LRBA: variants seen among roughly 807,000 people sequenced by gnomAD.
LRBA encodes lipopolysaccharide-responsive and beige-like anchor protein.
Under a neutral mutation model 330.0 loss-of-function variants are expected in LRBA, and 176 were observed. The ratio of observed to expected loss-of-function variants is 0.53; its 90% CI spans 0.47 to 0.60. LRBA has a LOEUF of 0.60. Ranked by LOEUF, LRBA falls within the 20% of genes least tolerant of loss-of-function variation. The pLI is 0.00. For synonymous variants in LRBA, 1,230 were observed against 1,193.0 expected, an observed-to-expected ratio of 1.03 and a Z score of -0.64; for missense variants, 3,259 against 3,444.8, an observed-to-expected ratio of 0.95 and a Z score of 1.35.
intron 47 of LRBA, among the ~76,000 whole-genome samples, chr4:150,379,692 A>G (rs1462876084): frequency 6.6e-6 from 1 of 152,170 alleles, no homozygotes; most frequent in Non-Finnish European, 1.5e-5. Context: ...GAATAGTGCT[A>G]TTTTCTTTGT....
At chr4:150,758,826 C>T (rs879062891) in intron 35 of LRBA, among the ~76,000 whole-genome samples, 1 of 151,926 alleles carries the variant, frequency 6.6e-6, no homozygotes, top group Admixed American at 6.6e-5. Flanking sequence ...CCTCCCACCT[C>T]GGCCTCTCAA....
intron 47 of LRBA, among the ~76,000 whole-genome samples, chr4:150,404,594 G>C (rs564771508): frequency 2.6e-5 from 4 of 152,132 alleles, no homozygotes; most frequent in Non-Finnish European, 5.9e-5. Flanking sequence ...GGAAGAGGGA[G>C]AAATCTGGCA....
intron 37 of LRBA, among the ~76,000 whole-genome samples, chr4:150,682,010 A>C (rs1421515441): frequency 6.6e-6 from 1 of 152,210 alleles, no homozygotes; most frequent in Admixed American, 6.5e-5. Flanking sequence ...CTATCAACAG[A>C]AAGAATTTTG....
intron 36 of LRBA, among the ~76,000 whole-genome samples, chr4:150,688,703 C>G (rs982702029): frequency 1.3e-5 from 2 of 152,132 alleles, no homozygotes; most frequent in Admixed American, 1.3e-4. Context: ...TGAAAAAAAG[C>G]TCATCATCAC....
At chr4:150,874,001 G>A (rs1174322707) in intron 17 of LRBA, among the ~76,000 whole-genome samples, 1 of 152,112 alleles carries the variant, frequency 6.6e-6, no homozygotes, top group Admixed American at 6.5e-5. Context: ...ATACTAATAT[G>A]TTGTATGTTT....
At chr4:150,278,514 TACA>T (rs1747102587) in intron 55 of LRBA, among the ~76,000 whole-genome samples, 2 of 152,190 alleles carry the variant, frequency 1.3e-5, no homozygotes, top group African/African-American at 2.4e-5. Flanking sequence ...TGTAGAGAGC[TACA>T]ACAACTTCCA....
chr4:151,009,920 C>T (rs977420850), intron 2 of LRBA, among the ~76,000 whole-genome samples: 26 of 151,952 alleles, frequency 1.7e-4, no homozygotes, highest in Non-Finnish European at 2.5e-4. Flanking sequence ...GCGGACCTTG[C>T]AGTGAGCCGA....
At chr4:150,590,106 G>A (rs551170550) in intron 39 of LRBA, among the ~76,000 whole-genome samples, 1 of 152,190 alleles carries the variant, frequency 6.6e-6, no homozygotes, top group African/African-American at 2.4e-5. Context: ...CAGAGCCACA[G>A]GTATTAAAGT....
intron 49 of LRBA, among the ~76,000 whole-genome samples, chr4:150,325,079 A>G (rs1733061171): frequency 2.0e-5 from 3 of 152,128 alleles, no homozygotes; most frequent in Non-Finnish European, 2.9e-5. Context: ...GTTCAAAAGC[A>G]AGCCTCAAGA....
rs1432220386 is a variant in LRBA at position 150,808,417 on chromosome 4, C to T, written c.5306-19G>A. The T allele has an allele frequency of 6.9e-7, 1 of 1,439,206 alleles. No homozygotes were observed. The highest frequency in any genetic ancestry group is 1.7e-5 in the Admixed American group (1 of 58,776). The allele number at this position is 1,439,206 out of a possible 1,614,324, so 89.2% of individuals were successfully genotyped here. A position where few individuals can be genotyped will look rare whatever the true frequency, so the allele number is the denominator to read the frequency against. ...CTACTGCCTATAAAAGAAAAATAAC[C>T]ATCTATAGGAATTTTCTGCTTTTAG... On this transcript the variant is annotated intron_variant, in intron 31 of 56. Transcript: ENST00000651943.
At position 150,992,315 on chromosome 4, in the gene LRBA, C is replaced by CAA. The variant is rs11444108; in HGVS notation, c.216+22110_216+22111dup. ...TGGGCAACAGAGCGAGACTCCGTCT[C>CAA]AAAAAAAAAAAAAAGGTAACGAGCA... On this transcript the variant is annotated intron_variant, in intron 2 of 56. Transcript: ENST00000651943. Among the ~76,000 whole-genome samples the CAA allele has an allele frequency of 1.4e-3, 185 of 133,138 alleles. 2 individuals are homozygous for CAA. The highest frequency in any genetic ancestry group is 2.3e-3 in the Non-Finnish European group (145 of 64,408). 87.3% of individuals were successfully genotyped at this position (133,138 alleles called of 152,430 possible).
At chr4:150,901,424 C>T (rs1038240918) in intron 13 of LRBA, among the ~76,000 whole-genome samples, 1 of 152,078 alleles carries the variant, frequency 6.6e-6, no homozygotes, top group Non-Finnish European at 1.5e-5. Context: ...CATTTTATTG[C>T]TAGAGGGTAT....
chr4:150,569,689 C>T (rs1169760503), intron 40 of LRBA, among the ~76,000 whole-genome samples: 6 of 152,088 alleles, frequency 3.9e-5, no homozygotes, highest in Admixed American at 1.3e-4. Flanking sequence ...CGGTAATTAA[C>T]AGAGATTATG....
chr4:150,468,149 T>A (rs1402515371), intron 43 of LRBA, among the ~76,000 whole-genome samples: 1 of 152,072 alleles, frequency 6.6e-6, no homozygotes, highest in African/African-American at 2.4e-5. Context: ...CTTTTTTTTA[T>A]GACTTTAAAA....
chr4:150,816,915 C>T (rs1372766773), intron 31 of LRBA, among the ~76,000 whole-genome samples: 1 of 151,950 alleles, frequency 6.6e-6, no homozygotes, highest in African/African-American at 2.4e-5. Flanking sequence ...CCACACACTA[C>T]TAGGTTTGAG....
intron 52 of LRBA, among the ~76,000 whole-genome samples, chr4:150,303,852 C>T (rs1026643158): frequency 1.3e-5 from 2 of 151,330 alleles, no homozygotes; most frequent in Admixed American, 6.6e-5. Flanking sequence ...GGATTACAGG[C>T]GTGAGCCACC....
intron 22 of LRBA, among the ~76,000 whole-genome samples, chr4:150,856,214 T>A (rs956183999): frequency 6.6e-6 from 1 of 152,176 alleles, no homozygotes; most frequent in Non-Finnish European, 1.5e-5. Context: ...CAGCACATGA[T>A]GAAGGCAAGC....
At chr4:150,386,458 C>T (rs1315585378) in intron 47 of LRBA, among the ~76,000 whole-genome samples, 3 of 136,050 alleles carry the variant, frequency 2.2e-5, no homozygotes, top group African/African-American at 8.0e-5. Context: ...TGTTGTTCCC[C>T]TCCCCCTGTC....
At chr4:150,796,199 C>T (rs1358998847) in intron 34 of LRBA, among the ~76,000 whole-genome samples, 1 of 151,858 alleles carries the variant, frequency 6.6e-6, no homozygotes, top group Non-Finnish European at 1.5e-5. Context: ...AAAATGTCGA[C>T]TTGAAATTCA....
Sources: allele counts gnomAD v4.1 joint callset (sites outside exome capture counted in the v4.1 genomes callset), GRCh38; gene constraint gnomAD v4.1.1; transcripts MANE v1.5; gene names NCBI Gene and HGNC (gene_info 2026-07-23, HGNC 2026-07-21).